The following ULK1 variants were observed in gnomAD, a reference collection of about 807,000 sequenced individuals.
ULK1 encodes the protein unc-51 like autophagy activating kinase 1.
A neutral mutation model predicts 117.5 loss-of-function variants in ULK1; 48 were observed. The ratio of observed to expected loss-of-function variants is 0.41; its 90% confidence interval spans 0.32 to 0.52. The LOEUF (loss-of-function observed/expected upper bound fraction) is 0.52, where lower values mean the gene tolerates loss of function less well. Ranked by LOEUF, ULK1 falls within the 20% of genes least tolerant of loss-of-function variation. The pLI is 0.29. For synonymous variants in ULK1, 790 were observed against 637.8 expected (o/e 1.24, Z -3.60); for missense variants, 1,387 against 1,473.4 (o/e 0.94, Z 0.96).
chr12:131,901,285 G>A (rs964888360), intron 3 of ULK1, among the ~76,000 whole-genome samples: 5 of 151,948 alleles, frequency 3.3e-5, no homozygotes, highest in African/African-American at 9.7e-5. Flanking sequence ...CTTGAACCTG[G>A]GAGGTGGAGG....
At chr12:131,915,599 C>T (rs1016796951) in intron 18 of ULK1, among the ~76,000 whole-genome samples, 178 bp downstream of exon 18, 5 of 152,156 alleles carry the variant, frequency 3.3e-5, no homozygotes, top group Non-Finnish European at 7.4e-5. Flanking sequence ...GTTTCTTATC[C>T]CCTCTGTGCC....
intron 11 of ULK1, 57 bp from the exon 12 acceptor site, chr12:131,910,655 G>A (rs1021078380): frequency 2.5e-5 from 41 of 1,612,604 alleles, no homozygotes; most frequent in Non-Finnish European, 3.2e-5. Flanking sequence ...GGGTTGGCTC[G>A]AGGGTGAGGA....
chr12:131,894,993 G>T lies in ULK1; in HGVS notation c.-9G>T. 1.7e-6 allele frequency: 2 copies of T among 1,161,620 alleles called. No homozygotes were observed. Among genetic ancestry groups the T allele is most frequent in the African/African-American group, 2.0e-5 (1 of 49,808 alleles). 72.0% of individuals were successfully genotyped at this position (1,161,620 alleles called of 1,614,324 possible). A position where few individuals can be genotyped will look rare whatever the true frequency, so the allele number is the denominator to read the frequency against. ...ACCCCCCGCCCCGCGCCCCCGGCCC[G>T]CCTGCGCCATGGAGCCCGGCCGCGG... is the stretch of plus-strand genomic sequence containing the variant. On this transcript the variant is annotated 5_prime_UTR_variant, in exon 1 of 28. Transcript: ENST00000321867.
At position 131,915,181 on chromosome 12, in the gene ULK1, C is replaced by A; in HGVS notation, c.1472C>A (p.Ala491Asp). The A allele has an allele frequency of 6.2e-7, 1 of 1,601,616 alleles. No individual in the cohort carries two copies. Among genetic ancestry groups the A allele is most frequent in the Admixed American group, 1.7e-5 (1 of 57,844 alleles). The change falls in exon 17 of 28, where the codon GCC becomes GAC. Residue 491 changes from alanine to aspartate, a missense_variant. Physicochemically the swap from Ala to Asp is moderately radical, Grantham distance 126. Coordinates refer to ENST00000321867, the MANE Select transcript of ULK1 (RefSeq NM_003565.4). ...PAHAEHGGVLARKMSLGGGRP... is the reference protein window; with the variant it reads ...PAHAEHGGVLDRKMSLGGGRP... ...CACGCTGAGCATGGAGGCGTCCTGG[C>A]CAGGAAGATGTCTCTGGGTGGAGGC...
chr12:131,902,052 AGGCTGCAGAGGTCAGCCTTG>A lies in ULK1; in HGVS notation c.247-4831_247-4812del, dbSNP rs1889114025. ...CAGACCCCCAGGCCCAGCAGGCGGG[AGGCTGCAGAGGTCAGCCTTG>A]GGCTGCAGCCCCAGGAGGCCCATAC... is the stretch of plus-strand genomic sequence containing the variant. On this transcript the variant is annotated intron_variant, in intron 3 of 27. Coordinates refer to ENST00000321867, the MANE Select transcript of ULK1 (RefSeq NM_003565.4). The surrounding 1 kb of genome is among the most constrained non-coding windows in gnomAD (Gnocchi z 6.3). Among the ~76,000 whole-genome samples, 1 of 151,840 alleles carries A rather than the reference AGGCTGCAGAGGTCAGCCTTG, an allele frequency of 6.6e-6. No homozygotes were observed. Among genetic ancestry groups the A allele is most frequent in the Non-Finnish European group, 1.5e-5 (1 of 67,940 alleles).
chr12:131,917,392 C>T lies in ULK1; in HGVS notation c.2183-19C>T. 1 of 1,468,910 alleles carries T rather than the reference C, an allele frequency of 6.8e-7. No individual in the cohort carries two copies. Among genetic ancestry groups the T allele is most frequent in the East Asian group, 2.6e-5 (1 of 38,626 alleles). The allele number at this position is 1,468,910 out of a possible 1,614,324, so 91.0% of individuals were successfully genotyped here. ...CGGCGGGAGTCAGGATGCTCCTGAG[C>T]CCTTCCTTGCTCTCCCAGCACCCTC... On this transcript the variant is annotated intron_variant, in intron 21 of 27. Transcript: ENST00000321867.
rs917251299 is a variant in ULK1 at position 131,923,108 on chromosome 12, A to G, written c.*1747A>G. 2 of 152,152 alleles carry G rather than the reference A, an allele frequency of 1.3e-5. No individual in the cohort carries two copies. Among genetic ancestry groups the G allele is most frequent in the African/African-American group, 2.4e-5 (1 of 41,436 alleles). The allele number at this position is 152,152 out of a possible 1,614,324, so 9.4% of individuals were successfully genotyped here. ...TGTGATTTCCTGCCCTTTGCGTTAT[A>G]TTGTATAATACCAACGTAAGGAAAT... On this transcript the variant is annotated 3_prime_UTR_variant, in exon 28 of 28. Transcript: ENST00000321867.
intron 14 of ULK1, among the ~76,000 whole-genome samples, 179 bp from the exon 15 acceptor site, chr12:131,913,568 G>C (rs1593269553): frequency 6.6e-6 from 1 of 152,030 alleles, no homozygotes; most frequent in East Asian, 1.9e-4. Context: ...AGCCAGGCGT[G>C]GTGGCACATG....
In ULK1 at chr12:131,916,540, C is replaced by T. The variant is rs149306596; in HGVS notation, c.2021C>T (p.Pro674Leu). The change falls in exon 20 of 28, where the codon CCG becomes CTG. Residue 674 changes from proline to leucine, a missense_variant. Coordinates refer to ENST00000321867, the MANE Select transcript of ULK1 (RefSeq NM_003565.4). ...GAGGTGGGACCCTTCCATGGTCAGC[C>T]GTTGGGCCCTGGCCTGCGGCCAGGC... is the stretch of plus-strand genomic sequence containing the variant. ...LSEVGPFHGQ[P>L]LGPGLRPGED... 454 of 1,609,412 alleles carry T rather than the reference C, an allele frequency of 2.8e-4. 2 individuals are homozygous for T. The highest frequency in any genetic ancestry group is 1.2e-3 in the African/African-American group (88 of 74,948).
intron 3 of ULK1, chr12:131,897,551 G>T (rs1382358770): frequency 6.6e-6 from 1 of 152,282 alleles, no homozygotes; most frequent in African/African-American, 2.4e-5. Context: ...ACTCCATCCA[G>T]CCTGGGCGAC....
rs762176580 is a variant in ULK1, at chr12:131,919,162, C to G, written c.2512-50C>G. On this transcript the variant is annotated intron_variant, in intron 23 of 27. Coordinates refer to ENST00000321867, the MANE Select transcript of ULK1 (RefSeq NM_003565.4). ...TCGGTGAGTCTGAAGGGAGACAAGCCCCTTCCAAGCCCGGGCAGCACTTGC... is the reference window on the plus strand; with the variant it reads ...TCGGTGAGTCTGAAGGGAGACAAGCGCCTTCCAAGCCCGGGCAGCACTTGC... 46 of 1,544,598 alleles carry G rather than the reference C, an allele frequency of 3.0e-5. 2 individuals carry two copies. The East Asian group carries it at 9.7e-4, about 33-fold the overall frequency.
intron 3 of ULK1, among the ~76,000 whole-genome samples, chr12:131,899,761 A>G (rs577961074): frequency 4.1e-4 from 62 of 152,202 alleles, no homozygotes; most frequent in Non-Finnish European, 7.5e-4. Context: ...GCTGGATCCT[A>G]GCTCCAACAT....
Position 131,908,482 on chromosome 12 carries a change from C to T in ULK1, c.317-162C>T, listed in dbSNP as rs560545896. On this transcript the variant is annotated intron_variant, in intron 5 of 27. Transcript: ENST00000321867. ...AGCTTCAGGTGCGCCCTGGTCTCGG[C>T]GGCCCGTGGTGGCTTGTGCCCCTCC... 511 of 799,156 alleles carry T rather than the reference C, an allele frequency of 6.4e-4. 3 individuals carry two copies. Among genetic ancestry groups the T allele is most frequent in the Middle Eastern group, 5.7e-3 (15 of 2,626 alleles). The allele number at this position is 799,156 out of a possible 1,614,324, so 49.5% of individuals were successfully genotyped here.
At chr12:131,909,286 TC>T in intron 8 of ULK1, 49 bp downstream of exon 8, 1 of 1,511,132 alleles carries the variant, frequency 6.6e-7, no homozygotes, top group Non-Finnish European at 8.9e-7. Flanking sequence ...AGTGCAAGTG[TC>T]CGCCAGCTGC....
chr12:131,917,527 C>G lies in ULK1; in HGVS notation c.2299C>G (p.Gln767Glu), dbSNP rs886230787. 5 of 1,449,540 alleles carry G rather than the reference C, an allele frequency of 3.4e-6. No individual in the cohort carries two copies. Among genetic ancestry groups the G allele is most frequent in the Non-Finnish European group, 4.6e-6 (5 of 1,097,378 alleles). 89.8% of individuals were successfully genotyped at this position (1,449,540 alleles called of 1,614,324 possible). Reference protein sequence around the residue: ...GSPPSGSTPPQGPRTRMFSAG... With the variant: ...GSPPSGSTPPEGPRTRMFSAG... ...TCCCCCGAGCGGGAGCACGCCCCCCCAGGGCCCCCGCACCAGGATGTTCTC... is the reference window on the plus strand; with the variant it reads ...TCCCCCGAGCGGGAGCACGCCCCCCGAGGGCCCCCGCACCAGGATGTTCTC... Residue 767 changes from glutamine to glutamate, a missense_variant, in exon 22 of 28, where the codon CAG (glutamine) becomes GAG (glutamate). Transcript: ENST00000321867.
chr12:131,903,432 G>A lies in ULK1; in HGVS notation c.247-3460G>A, dbSNP rs759881343. On this transcript the variant is annotated intron_variant, in intron 3 of 27. Coordinates refer to ENST00000321867, the MANE Select transcript of ULK1 (RefSeq NM_003565.4). This position sits in a 1 kb window ranked among gnomAD's most constrained non-coding sequence, Gnocchi z 6.0. ...CAACCTCTGGGGCCTCAGTGTGCTC[G>A]TATGGGAAGTGGGCTGGTTATGGCC... 3.3e-5 allele frequency among the ~76,000 whole-genome samples: 5 copies of A among 152,192 alleles called. No individual in the cohort carries two copies. Among genetic ancestry groups the A allele is most frequent in the Non-Finnish European group, 4.4e-5 (3 of 68,036 alleles).
rs368297503 is a variant in ULK1, at chr12:131,912,133, C to T, written c.1096+44C>T. On this transcript the variant is annotated intron_variant, in intron 13 of 27. Transcript: ENST00000321867. ...CTTGGAGGTGACGCCTCAGGTGCGGCGGGGACAGTGCATTGCATGTGTTGG... is the reference window on the plus strand; with the variant it reads ...CTTGGAGGTGACGCCTCAGGTGCGGTGGGGACAGTGCATTGCATGTGTTGG... The T allele has an allele frequency of 1.2e-5, 19 of 1,580,868 alleles. No homozygotes were observed. In the Admixed American group the frequency reaches 1.3e-4, roughly 11 times the overall value.
chr12:131,915,610 A>G (rs919741760), intron 18 of ULK1, among the ~76,000 whole-genome samples, 189 bp downstream of exon 18: 6 of 152,152 alleles, frequency 3.9e-5, no homozygotes, highest in Admixed American at 3.3e-4. Flanking sequence ...CCTCTGTGCC[A>G]GTCTTCTGTG....
At chr12:131,917,581 G>T (rs1473572208) in intron 22 of ULK1, 27 bp downstream of exon 22, 2 of 1,380,834 alleles carry the variant, frequency 1.4e-6, no homozygotes, top group African/African-American at 3.0e-5. Flanking sequence ...CTGAAGCCCT[G>T]TCCCTTTTGG....
Sources: gnomAD v4.1 joint callset for allele counts (sites outside exome capture counted in the v4.1 genomes callset) on GRCh38, gnomAD v4.1.1 for gene constraint, Gnocchi (gnomAD v3.1) non-coding constraint, MANE v1.5 for transcripts, NCBI Gene and HGNC (gene_info 2026-07-23, HGNC 2026-07-21) for gene names.